Variants in ATP6V0D1 observed in about 807,000 individuals in gnomAD.
The protein encoded by ATP6V0D1 is V-type proton ATPase subunit d 1.
A neutral mutation model predicts 39.0 loss-of-function variants in ATP6V0D1; 13 were observed. The observed-to-expected ratio is 0.33, with a 90% CI of 0.22 to 0.53. The LOEUF (loss-of-function observed/expected upper bound fraction) is 0.53. Among genes scored for constraint, ATP6V0D1 ranks in the 20% least tolerant of loss-of-function variants. The pLI is 0.94. For synonymous variants in ATP6V0D1, 191 were observed against 191.2 expected (o/e 1.00, Z 0.01); for missense variants, 272 against 470.9 (o/e 0.58, Z 3.91).
chr16:67,479,435 G>A (rs1567544480), intron 1 of ATP6V0D1, among the ~76,000 whole-genome samples: 3 of 152,050 alleles, frequency 2.0e-5, no homozygotes, highest in Admixed American at 1.3e-4. Context: ...GGCTGGTCTC[G>A]AACTCCTGCC....
chr16:67,438,799 C>G lies in ATP6V0D1; in HGVS notation c.888G>C (p.Glu296Asp), dbSNP rs1364543837. The change falls in exon 7 of 8, where the codon GAG becomes GAC. Residue 296 changes from glutamate to aspartate, a missense_variant. Glu to Asp is a conservative substitution (Grantham distance 45). Transcript: ENST00000290949. ...GDKTLEDRFFEHEVKLNKLAF... is the reference protein window; with the variant it reads ...GDKTLEDRFFDHEVKLNKLAF... ...GCAGACCCTGCAGACTCACCTCGTG[C>G]TCAAAGAATCGGTCCTCCAGCGTCT... The G allele has an allele frequency of 6.2e-7, 1 of 1,613,910 alleles. No homozygotes were observed. Among genetic ancestry groups the G allele is most frequent in the African/African-American group, 1.3e-5 (1 of 74,870 alleles).
rs2041090131 is a variant in ATP6V0D1, at chr16:67,444,374, CGGA to C, written c.481+151_481+153del. The stretch of plus-strand genomic sequence containing the variant: ...AAGAGGGGTGAAGTGAGGAGAGAAT[CGGA>C]GGAGGAAGTTGAAGGGAGACAAAGG... On this transcript the variant is annotated intron_variant, in intron 3 of 7. Transcript: ENST00000290949. This position sits in a 1 kb window ranked among gnomAD's most constrained non-coding sequence, Gnocchi z 4.8. Among the ~76,000 whole-genome samples, 1 of 151,084 alleles carries C rather than the reference CGGA, an allele frequency of 6.6e-6. No individual in the cohort carries two copies. Among genetic ancestry groups the C allele is most frequent in the Admixed American group, 6.6e-5 (1 of 15,176 alleles).
chr16:67,458,269 C>A (rs995571376), intron 1 of ATP6V0D1, among the ~76,000 whole-genome samples: 2 of 152,150 alleles, frequency 1.3e-5, no homozygotes, highest in Non-Finnish European at 2.9e-5. Context: ...CTGAGGGATG[C>A]GGAGGAGGGG....
intron 4 of ATP6V0D1, chr16:67,440,753 G>C (rs2041041209): frequency 6.6e-6 from 1 of 152,318 alleles, no homozygotes; most frequent in Non-Finnish European, 1.5e-5. Flanking sequence ...GCCCAACTCA[G>C]GGGAAGGCCT....
At chr16:67,455,174 C>T (rs2041225303) in intron 1 of ATP6V0D1, 3 of 152,210 alleles carry the variant, frequency 2.0e-5, no homozygotes, top group Admixed American at 1.3e-4. Context: ...CGGAGCTGCA[C>T]TTGGGACCAC....
At chr16:67,457,588 T>G (rs1301676658) in intron 1 of ATP6V0D1, 2 of 1,289,520 alleles carry the variant, frequency 1.6e-6, no homozygotes, top group African/African-American at 3.0e-5. Context: ...CCATCAGCAC[T>G]GTCACTGGAC....
chr16:67,468,274 A>G (rs577137280), intron 1 of ATP6V0D1, among the ~76,000 whole-genome samples: 27 of 152,280 alleles, frequency 1.8e-4, no homozygotes, highest in African/African-American at 5.3e-4. Flanking sequence ...CCTGGGCGAC[A>G]GAGTGAGACC....
intron 1 of ATP6V0D1, among the ~76,000 whole-genome samples, chr16:67,465,367 G>A (rs1166650477): frequency 6.6e-6 from 1 of 152,176 alleles, no homozygotes; most frequent in Non-Finnish European, 1.5e-5. Flanking sequence ...CCCCTCAGAG[G>A]GAGTGCCAAA....
chr16:67,480,956 C>A lies in ATP6V0D1; in HGVS notation c.130+1G>T. 1 of 1,614,010 alleles carries A rather than the reference C, an allele frequency of 6.2e-7. No individual in the cohort carries two copies. Among genetic ancestry groups the A allele is most frequent in the Non-Finnish European group, 8.5e-7 (1 of 1,179,912 alleles). On this transcript the variant is annotated splice_donor_variant, in intron 1 of 7. Transcript: ENST00000290949. LOFTEE classifies it high-confidence loss of function. The stretch of plus-strand genomic sequence containing the variant: ...CCCCGCCTTTCGCGGCCCCGGCTCA[C>A]CCTCTAGCGTCTCGCACTGCACCAG...
intron 7 of ATP6V0D1, 22 bp downstream of exon 7, chr16:67,438,771 C>G: frequency 6.2e-7 from 1 of 1,614,156 alleles, no homozygotes; most frequent in Non-Finnish European, 8.5e-7. Flanking sequence ...CTCCCTCTGA[C>G]AAGCAGACCC....
intron 1 of ATP6V0D1, among the ~76,000 whole-genome samples, chr16:67,469,844 TC>T (rs2041359092): frequency 6.6e-6 from 1 of 152,170 alleles, no homozygotes. Flanking sequence ...ATTGAAATCT[TC>T]CCCCTACCAG....
intron 2 of ATP6V0D1, among the ~76,000 whole-genome samples, chr16:67,450,381 T>TG (rs2041164874): frequency 6.6e-6 from 1 of 152,186 alleles, no homozygotes; most frequent in South Asian, 2.1e-4. Flanking sequence ...AGCCCCAGCC[T>TG]GGGGGAGCTC....
chr16:67,438,183 C>T lies in ATP6V0D1; in HGVS notation c.*345G>A, dbSNP rs2040997511. ...AAGGGAGAGGAGGCTCAAACTGCCC[C>T]CAGGCCCCAGGGTTCTCAGGTCAGG... On this transcript the variant is annotated 3_prime_UTR_variant, in exon 8 of 8. Coordinates refer to ENST00000290949, the MANE Select transcript of ATP6V0D1 (RefSeq NM_004691.5). The T allele has an allele frequency of 3.4e-6, 1 of 289,998 alleles. No individual in the cohort carries two copies. The highest frequency in any genetic ancestry group is 2.2e-5 in the African/African-American group (1 of 45,410). 18.0% of individuals were successfully genotyped at this position (289,998 alleles called of 1,614,324 possible).
At chr16:67,452,247 G>A (rs1287935908) in intron 2 of ATP6V0D1, 3 of 1,535,262 alleles carry the variant, frequency 2.0e-6, no homozygotes, top group Non-Finnish European at 1.7e-6. Context: ...CCTTGATGGA[G>A]GCCAGGGCAG....
At position 67,453,294 on chromosome 16, in the gene ATP6V0D1, T is replaced by C. The variant is rs1429325690; in HGVS notation, c.302+250A>G. Among the ~76,000 whole-genome samples the C allele has an allele frequency of 6.6e-6, 1 of 152,196 alleles. No homozygotes were observed. The highest frequency in any genetic ancestry group is 1.5e-5 in the Non-Finnish European group (1 of 68,032). On this transcript the variant is annotated intron_variant, in intron 2 of 7. Transcript: ENST00000290949. The surrounding 1 kb of genome is among the most constrained non-coding windows in gnomAD (Gnocchi z 4.1). ...GCCTGCCCATCATATCTTCAGCCAG[T>C]AGTGAACGTGCTGGTGACCCATTTC...
At position 67,481,030 on chromosome 16, in the gene ATP6V0D1, C is replaced by A. The variant is rs1207295260; in HGVS notation, c.57G>T (p.Leu19=). The A allele has an allele frequency of 6.2e-7, 1 of 1,614,198 alleles. No homozygotes were observed. Among genetic ancestry groups the A allele is most frequent in the Admixed American group, 1.7e-5 (1 of 60,036 alleles). Residue 19 remains leucine (L), a synonymous_variant, in exon 1 of 8, where the codon CTG becomes CTT. Coordinates refer to ENST00000290949, the MANE Select transcript of ATP6V0D1 (RefSeq NM_004691.5). The part of the protein sequence containing the change: ...FNVDNGYLEG[L]VRGLKAGVLS... ...GCACCCCGGCCTTCAGGCCGCGCAC[C>A]AGTCCCTCCAAGTAGCCATTGTCCA...
chr16:67,465,613 G>GCT (rs1476042024), intron 1 of ATP6V0D1, among the ~76,000 whole-genome samples: 29 of 152,220 alleles, frequency 1.9e-4, no homozygotes, highest in Admixed American at 1.8e-3. Context: ...CTGAGCTGCT[G>GCT]GCATGACCCA....
At chr16:67,457,686 G>A in intron 1 of ATP6V0D1, 3 of 1,277,170 alleles carry the variant, frequency 2.3e-6, no homozygotes, top group Non-Finnish European at 3.1e-6. Flanking sequence ...CGTGAATGAG[G>A]GGGCAAAGCC....
rs1482751808 is a variant in ATP6V0D1 at position 67,444,633 on chromosome 16, C to T, written c.376G>A (p.Val126Met). Residue 126 changes from valine to methionine, a missense_variant, in exon 3 of 8, where the codon GTG (valine) becomes ATG (methionine). Transcript: ENST00000290949. The surrounding 1 kb of genome is among the most constrained non-coding windows in gnomAD (Gnocchi z 4.8). Reference sequence around the variant, plus strand: ...CTGCCTAGTGGGTGGCACTTGGGCACGAGCTCAGCGATGGAGCGCTGGTGC... The same window carrying T: ...CTGCCTAGTGGGTGGCACTTGGGCATGAGCTCAGCGATGGAGCGCTGGTGC... Reference protein sequence around the residue: ...TLHQRSIAELVPKCHPLGSFE... With the variant: ...TLHQRSIAELMPKCHPLGSFE... 8 of 1,613,366 alleles carry T rather than the reference C, an allele frequency of 5.0e-6. No individual in the cohort carries two copies. Among genetic ancestry groups the T allele is most frequent in the East Asian group, 2.2e-5 (1 of 44,874 alleles).
Sources: allele counts gnomAD v4.1 joint callset (sites outside exome capture counted in the v4.1 genomes callset), GRCh38; gene constraint gnomAD v4.1.1; non-coding constraint Gnocchi (gnomAD v3.1); transcripts MANE v1.5; gene names NCBI Gene and HGNC (gene_info 2026-07-23, HGNC 2026-07-21).